The following SOX6 variants were observed in gnomAD, a reference collection of about 807,000 sequenced individuals.
SOX6 encodes transcription factor SOX-6.
A neutral mutation model predicts 97.8 loss-of-function variants in SOX6; 11 were observed. The ratio of observed to expected loss-of-function variants is 0.11; its 90% confidence interval spans 0.07 to 0.19. The LOEUF (loss-of-function observed/expected upper bound fraction) is 0.19, where lower values mean the gene tolerates loss of function less well. Ranked by LOEUF, SOX6 falls within the 10% of genes least tolerant of loss-of-function variation. SOX6 has a pLI of 1.00. For missense variants in SOX6, 810 were observed against 1,039.5 expected, an observed-to-expected ratio of 0.78 and a Z score of 3.04; for synonymous variants, 360 against 371.4, an observed-to-expected ratio of 0.97 and a Z score of 0.35.
chr11:16,143,176 A>G (rs1589969402), intron 6 of SOX6, among the ~76,000 whole-genome samples: 1 of 152,338 alleles, frequency 6.6e-6, no homozygotes, highest in South Asian at 2.1e-4. Context: ...TACAAGCCAG[A>G]ATAGAGTGGG....
At chr11:16,075,145 T>C (rs1165638265) in intron 9 of SOX6, among the ~76,000 whole-genome samples, 3 of 152,200 alleles carry the variant, frequency 2.0e-5, no homozygotes, top group Admixed American at 6.5e-5. Flanking sequence ...GGATTCCCTA[T>C]TCAATGAATG....
At chr11:16,144,721 A>C (rs972301130) in intron 6 of SOX6, among the ~76,000 whole-genome samples, 16 of 152,206 alleles carry the variant, frequency 1.1e-4, no homozygotes, top group East Asian at 7.7e-4. Flanking sequence ...ATTATCAACA[A>C]CTCTATGCAA....
At chr11:16,383,348 T>C (rs868218482) in intron 1 of SOX6, among the ~76,000 whole-genome samples, 15 of 152,068 alleles carry the variant, frequency 9.9e-5, no homozygotes, top group African/African-American at 1.7e-4. Context: ...TTAAAGCTTA[T>C]TTAGTTTTCT....
At chr11:16,382,626 G>A (rs1164577229) in intron 1 of SOX6, among the ~76,000 whole-genome samples, 1 of 151,946 alleles carries the variant, frequency 6.6e-6, no homozygotes, top group African/African-American at 2.4e-5. Flanking sequence ...AAAGGCAGAG[G>A]AAATCTCTCA....
At chr11:16,068,065 G>A (rs890750580) in intron 9 of SOX6, among the ~76,000 whole-genome samples, 1 of 152,168 alleles carries the variant, frequency 6.6e-6, no homozygotes, top group Non-Finnish European at 1.5e-5. Flanking sequence ...CATCATTCAA[G>A]GGGACAATAG....
At chr11:16,195,879 A>G (rs1441275760) in intron 4 of SOX6, among the ~76,000 whole-genome samples, 5 of 152,190 alleles carry the variant, frequency 3.3e-5, no homozygotes, top group Admixed American at 3.3e-4. Flanking sequence ...GGTGCAGTGT[A>G]TATGTAGGCT....
rs1554933992 is a variant in SOX6, at chr11:16,132,431, AAG to A, written c.778-20510_778-20509del. On this transcript the variant is annotated intron_variant, in intron 6 of 15. Transcript: ENST00000683767. Reference sequence around the variant, plus strand: ...AAAGAAAGAAAGAAAGAAAGAAAGAAAGAAAGAAAGAAAAAAGAAAGAAAGAA... The same window carrying A: ...AAAGAAAGAAAGAAAGAAAGAAAGAAAAAGAAAGAAAAAAGAAAGAAAGAA... 1.7e-4 allele frequency among the ~76,000 whole-genome samples: 19 copies of A among 112,754 alleles called. 1 individual carries two copies. Among genetic ancestry groups the A allele is most frequent in the Middle Eastern group, 4.1e-3 (1 of 242 alleles). 74.0% of individuals were successfully genotyped at this position (112,754 alleles called of 152,430 possible). A position where few individuals can be genotyped will look rare whatever the true frequency, so the allele number is the denominator to read the frequency against.
chr11:16,676,219 A>G (rs938973382), intron 3 of SOX6, among the ~76,000 whole-genome samples: 5 of 152,206 alleles, frequency 3.3e-5, no homozygotes, highest in Non-Finnish European at 7.3e-5. Context: ...TTCAGTTATT[A>G]TGCTTCTCAA....
chr11:16,132,858 T>C lies in SOX6; in HGVS notation c.778-20935A>G, dbSNP rs148583512. Reference sequence around the variant, plus strand: ...CCTATTCCTTCATCTCACAAGCTGATCTCTCAGAATGGCATAACACTAGCA... The same window carrying C: ...CCTATTCCTTCATCTCACAAGCTGACCTCTCAGAATGGCATAACACTAGCA... On this transcript the variant is annotated intron_variant, in intron 6 of 15. Coordinates refer to ENST00000683767, the MANE Select transcript of SOX6 (RefSeq NM_001367873.1). Among the ~76,000 whole-genome samples, 48 of 152,264 alleles carry C rather than the reference T, an allele frequency of 3.2e-4. No homozygotes were observed. The Middle Eastern group carries it at 0.01, about 32-fold the overall frequency.
chr11:16,175,702 T>C (rs1851164995), intron 6 of SOX6, among the ~76,000 whole-genome samples: 1 of 151,930 alleles, frequency 6.6e-6, no homozygotes, highest in South Asian at 2.1e-4. Flanking sequence ...GATGTTTGTG[T>C]TAAAATTTAT....
At chr11:16,089,316 T>C (rs913099882) in intron 9 of SOX6, among the ~76,000 whole-genome samples, 3 of 152,216 alleles carry the variant, frequency 2.0e-5, no homozygotes, top group African/African-American at 4.8e-5. Flanking sequence ...TTAGTTCCTC[T>C]CAATTTGACT....
At chr11:16,004,989 C>A (rs1304381278) in intron 13 of SOX6, among the ~76,000 whole-genome samples, 2 of 151,906 alleles carry the variant, frequency 1.3e-5, no homozygotes, top group Admixed American at 6.6e-5. Context: ...TGACTGGAAC[C>A]CAATACCTAC....
At chr11:16,113,347 G>A (rs561250078) in intron 6 of SOX6, among the ~76,000 whole-genome samples, 1 of 152,308 alleles carries the variant, frequency 6.6e-6, no homozygotes, top group Admixed American at 6.5e-5. Flanking sequence ...TGCCAGTGGG[G>A]CATGAAAGAA....
intron 9 of SOX6, among the ~76,000 whole-genome samples, chr11:16,071,089 C>A (rs1848212640): frequency 6.6e-6 from 1 of 152,190 alleles, no homozygotes; most frequent in Non-Finnish European, 1.5e-5. Context: ...CTGAACTCAG[C>A]CAGCAGCTGT....
chr11:16,696,852 A>G (rs563025439), intron 3 of SOX6, among the ~76,000 whole-genome samples: 1 of 152,302 alleles, frequency 6.6e-6, no homozygotes, highest in South Asian at 2.1e-4. Context: ...TCCTTTCATG[A>G]AAGATTTCTT....
intron 3 of SOX6, among the ~76,000 whole-genome samples, chr11:16,687,793 A>G (rs924414230): frequency 1.4e-4 from 21 of 152,072 alleles, no homozygotes; most frequent in African/African-American, 5.1e-4. Flanking sequence ...CAGCCTCCTA[A>G]AGTGCTAGTG....
chr11:16,677,287 AC>A (rs1303973627), intron 3 of SOX6, among the ~76,000 whole-genome samples: 1 of 152,186 alleles, frequency 6.6e-6, no homozygotes, highest in Non-Finnish European at 1.5e-5. Context: ...CTTTAAAACC[AC>A]CACCAAGATG....
intron 4 of SOX6, among the ~76,000 whole-genome samples, chr11:16,486,230 G>A (rs1037653226): frequency 6.6e-6 from 1 of 151,856 alleles, no homozygotes; most frequent in African/African-American, 2.4e-5. Context: ...TAAACAGAAG[G>A]CAGCAAGACA....
intron 13 of SOX6, among the ~76,000 whole-genome samples, chr11:16,012,781 C>A (rs1310056093): frequency 1.3e-5 from 2 of 151,840 alleles, no homozygotes; most frequent in Non-Finnish European, 2.9e-5. Flanking sequence ...AGTTTTCTCA[C>A]CTGTAAAATG....
Sources: gnomAD v4.1 joint callset for allele counts (sites outside exome capture counted in the v4.1 genomes callset) on GRCh38, gnomAD v4.1.1 for gene constraint, MANE v1.5 for transcripts, NCBI Gene and HGNC (gene_info 2026-07-23, HGNC 2026-07-21) for gene names.